KNL1: variants seen among roughly 807,000 people sequenced by gnomAD.
The protein encoded by KNL1 is outer kinetochore KNL1 complex subunit KNL1.
A neutral mutation model predicts 201.3 loss-of-function variants in KNL1; 66 were observed. The observed-to-expected ratio is 0.33, with a 90% CI of 0.27 to 0.40. The LOEUF (loss-of-function observed/expected upper bound fraction) is 0.40. Ranked by LOEUF, KNL1 falls within the 10% of genes least tolerant of loss-of-function variation. The pLI is 1.00. For synonymous variants in KNL1, 895 were observed against 899.2 expected (o/e 1.00, Z 0.08); for missense variants, 2,815 against 2,690.5 (o/e 1.05, Z -1.02).
Position 40,648,589 on chromosome 15 carries a change from C to T in KNL1, c.6094+1515C>T, listed in dbSNP as rs561005214. On this transcript the variant is annotated intron_variant, in intron 17 of 25. Coordinates refer to ENST00000399668, the MANE Select transcript of KNL1 (RefSeq NM_144508.5). The stretch of plus-strand genomic sequence containing the variant: ...AGGCTCTCTTAACAAGTCCTGTCAT[C>T]GGCAGCTTCAGCATCTCATGTGTTT... Among the ~76,000 whole-genome samples the T allele has an allele frequency of 2.3e-4, 35 of 152,254 alleles. 1 individual carries two copies. Among genetic ancestry groups the T allele is most frequent in the African/African-American group, 7.5e-4 (31 of 41,544 alleles).
At chr15:40,633,443 G>A (rs118089559) in intron 13 of KNL1, among the ~76,000 whole-genome samples, 2,246 of 152,074 alleles carry the variant, frequency 0.015, 22 homozygotes, top group Non-Finnish European at 0.022. Context: ...TGCCATTCCT[G>A]TTAAAGGGTA....
rs1469143510 is a variant in KNL1 at position 40,624,172 on chromosome 15, C to A, written c.3908C>A (p.Ser1303Tyr). ...GTTTGTGGATCCAGTGATAATTATT[C>A]CTGTTTACCAAATGTTATTTCCTGT... The part of the protein sequence containing the change: ...TAVCGSSDNY[S>Y]CLPNVISCTD... The change falls in exon 10 of 26, where the codon TCC becomes TAC. Residue 1303 changes from serine to tyrosine, a missense_variant. Ser to Tyr is a moderately radical substitution (Grantham distance 144). Around this residue, in one of 3 missense-constraint regions of KNL1, gnomAD observed 2,464 missense variants for 2,291.7 expected, o/e 1.08. Transcript: ENST00000399668. 1 of 1,613,762 alleles carries A rather than the reference C, an allele frequency of 6.2e-7. No individual in the cohort carries two copies. Among genetic ancestry groups the A allele is most frequent in the Admixed American group, 1.7e-5 (1 of 59,994 alleles).
At chr15:40,606,232 T>C (rs1891966854) in intron 3 of KNL1, among the ~76,000 whole-genome samples, 161 bp from the exon 4 acceptor site, 1 of 152,232 alleles carries the variant, frequency 6.6e-6, no homozygotes, top group Non-Finnish European at 1.5e-5. Context: ...ATGTCAGATA[T>C]TTAAATCTGC....
rs145206389 is a variant in KNL1 at position 40,652,250 on chromosome 15, A to G, written c.6415+145A>G. 1.7e-3 allele frequency: 729 copies of G among 434,378 alleles called. 1 individual carries two copies. Among genetic ancestry groups the G allele is most frequent in the African/African-American group, 0.014 (685 of 49,800 alleles). 26.9% of individuals were successfully genotyped at this position (434,378 alleles called of 1,614,324 possible). ...GTCTTAGAACAGTCACTTTATTGATAGCAGAATTTTATTTTATTTTGTAAA... is the reference window on the plus strand; with the variant it reads ...GTCTTAGAACAGTCACTTTATTGATGGCAGAATTTTATTTTATTTTGTAAA... On this transcript the variant is annotated intron_variant, in intron 21 of 25. Transcript: ENST00000399668.
At chr15:40,602,495 T>G (rs1200097266) in intron 1 of KNL1, among the ~76,000 whole-genome samples, 1 of 145,000 alleles carries the variant, frequency 6.9e-6, no homozygotes, top group Non-Finnish European at 1.5e-5. Flanking sequence ...TTTTTTTTTT[T>G]TTTTTTTGGA....
At chr15:40,654,836 T>C in intron 21 of KNL1, 73 bp from the exon 22 acceptor site, 2 of 1,161,666 alleles carry the variant, frequency 1.7e-6, no homozygotes, top group Non-Finnish European at 2.5e-6. Context: ...GCCATTGCAC[T>C]CCAGCCTGGG....
At chr15:40,604,676 C>CT (rs1891917620) in intron 2 of KNL1, among the ~76,000 whole-genome samples, 1 of 152,146 alleles carries the variant, frequency 6.6e-6, no homozygotes, top group African/African-American at 2.4e-5. Context: ...AATGACTGAC[C>CT]TTTAGGTGAG....
chr15:40,604,724 CT>C (rs1357759154), intron 2 of KNL1, among the ~76,000 whole-genome samples: 6 of 152,166 alleles, frequency 3.9e-5, no homozygotes, highest in Admixed American at 2.6e-4. Context: ...TCAACACTAC[CT>C]ATTTTTCTTG....
chr15:40,625,357 C>A lies in KNL1; in HGVS notation c.5093C>A (p.Ser1698Tyr). 1 of 1,614,068 alleles carries A rather than the reference C, an allele frequency of 6.2e-7. No individual in the cohort carries two copies. Among genetic ancestry groups the A allele is most frequent in the South Asian group, 1.1e-5 (1 of 91,074 alleles). ...PVSSKDSGIGSVAGKLNLSPS... is the reference protein window; with the variant it reads ...PVSSKDSGIGYVAGKLNLSPS... ...TCTAGCAAAGATTCAGGCATTGGAT[C>A]TGTTGCAGGTAAACTGAACCTAAGT... Residue 1698 changes from serine (S) to tyrosine (Y), a missense_variant, in exon 10 of 26, where the codon TCT becomes TAT. Coordinates refer to ENST00000399668, the MANE Select transcript of KNL1 (RefSeq NM_144508.5).
At chr15:40,601,776 C>G (rs1276947378) in intron 1 of KNL1, among the ~76,000 whole-genome samples, 1 of 141,172 alleles carries the variant, frequency 7.1e-6, no homozygotes, top group Non-Finnish European at 1.5e-5. Context: ...TGCAGTGAGC[C>G]GAGATGGCGC....
chr15:40,662,074 C>T lies in KNL1; in HGVS notation c.6837C>T (p.Ser2279=). The T allele has an allele frequency of 6.4e-7, 1 of 1,554,762 alleles. No individual in the cohort carries two copies. The highest frequency in any genetic ancestry group is 8.9e-7 in the Non-Finnish European group (1 of 1,126,526). Reference sequence around the variant, plus strand: ...ATTGATTAACCTTTGTTCTTTCCAGCCAAGATGATATTGCTACCATTCTAT... The same window carrying T: ...ATTGATTAACCTTTGTTCTTTCCAGTCAAGATGATATTGCTACCATTCTAT... ...STIQNHVGNT[S]QDDIATILSK... is the part of the protein sequence containing the mutation. The change falls in exon 26 of 26, where the codon AGC becomes AGT. Residue 2279 remains serine (S), a splice_region_variant and synonymous_variant. Transcript: ENST00000399668.
rs1266728850 is a variant in KNL1, at chr15:40,629,466, G to A, written c.5682+95G>A. 7.8e-5 allele frequency: 8 copies of A among 102,758 alleles called. No individual in the cohort carries two copies. In the African/African-American group the frequency reaches 8.5e-4, roughly 11 times the overall value. 6.4% of individuals were successfully genotyped at this position (102,758 alleles called of 1,614,324 possible). On this transcript the variant is annotated intron_variant, in intron 13 of 25. Coordinates refer to ENST00000399668, the MANE Select transcript of KNL1 (RefSeq NM_144508.5). ...AAGAGAGCAAATTTTCCTATAGAGA[G>A]TTTTCTTTTTTTTTTTTTTTTGCCT...
chr15:40,608,843 T>G lies in KNL1; in HGVS notation c.136-4T>G. The G allele has an allele frequency of 6.3e-7, 1 of 1,599,938 alleles. No homozygotes were observed. Among genetic ancestry groups the G allele is most frequent in the Non-Finnish European group, 8.6e-7 (1 of 1,167,818 alleles). Reference sequence around the variant, plus strand: ...GAATTATACCATATATTCTCTGCCCTTAGGAATCCAATGCTTTGAGAAATA... The same window carrying G: ...GAATTATACCATATATTCTCTGCCCGTAGGAATCCAATGCTTTGAGAAATA... On this transcript the variant is annotated splice_polypyrimidine_tract_variant and splice_region_variant and intron_variant, in intron 4 of 25. Transcript: ENST00000399668.
intron 25 of KNL1, among the ~76,000 whole-genome samples, chr15:40,659,928 T>TGTGTGTGTGTG (rs1216923081): frequency 1.5e-3 from 61 of 40,210 alleles, no homozygotes; most frequent in South Asian, 2.7e-3. Flanking sequence ...GTGTGTGTGT[T>TGTGTGTGTGTG]TGAGATGGAG....
At chr15:40,627,962 A>G (rs529657853) in intron 10 of KNL1, 108 bp from the exon 11 acceptor site, 898 of 724,124 alleles carry the variant, frequency 1.2e-3, no homozygotes, top group Non-Finnish European at 1.8e-3. Flanking sequence ...GATATTTCAT[A>G]TGAATTATAG....
chr15:40,614,203 T>C (rs1447133624), intron 7 of KNL1, among the ~76,000 whole-genome samples: 1 of 151,002 alleles, frequency 6.6e-6, no homozygotes, highest in Non-Finnish European at 1.5e-5. Flanking sequence ...GTTCAAGCAA[T>C]TCTCCTGCCT....
At chr15:40,630,178 G>A (rs1045559914) in intron 13 of KNL1, among the ~76,000 whole-genome samples, 16 of 152,138 alleles carry the variant, frequency 1.1e-4, no homozygotes, top group African/African-American at 3.9e-4. Flanking sequence ...TAAGATCATA[G>A]AATATTTGAA....
At position 40,600,523 on chromosome 15, in the gene KNL1, A is replaced by G. The variant is rs544898338; in HGVS notation, c.-17-2392A>G. On this transcript the variant is annotated intron_variant, in intron 1 of 25. Coordinates refer to ENST00000399668, the MANE Select transcript of KNL1 (RefSeq NM_144508.5). ...CAGTTTAATGGCTAAAACTAGAAAA[A>G]TAGCTGGGCACAGTGGCTCATGCTT... 5.1e-4 allele frequency among the ~76,000 whole-genome samples: 78 copies of G among 152,344 alleles called. No homozygotes were observed. The South Asian group carries it at 0.016, about 30-fold the overall frequency.
At chr15:40,615,807 C>G (rs1168945979) in intron 8 of KNL1, 2 of 149,886 alleles carry the variant, frequency 1.3e-5, no homozygotes, top group African/African-American at 2.5e-5. Flanking sequence ...GCTCTTATTG[C>G]CCAGGCTAGT....
Sources: gnomAD v4.1 joint callset for allele counts (sites outside exome capture counted in the v4.1 genomes callset) on GRCh38, gnomAD v4.1.1 for gene constraint, gnomAD v4.1.1 regional missense constraint, MANE v1.5 for transcripts, NCBI Gene and HGNC (gene_info 2026-07-23, HGNC 2026-07-21) for gene names.